CLEC16A: variants seen among roughly 807,000 people sequenced by gnomAD.
The protein encoded by CLEC16A is C-type lectin domain containing 16A, also known as protein CLEC16A.
In CLEC16A, 51 loss-of-function variants were observed where a neutral mutation model predicts 109.5. That is an observed-to-expected ratio of 0.47 (90% CI 0.37 to 0.59). The LOEUF is 0.59. Among genes scored for constraint, CLEC16A ranks in the 20% least tolerant of loss-of-function variants. The pLI is 0.00. For synonymous variants in CLEC16A, 673 were observed against 564.2 expected, an observed-to-expected ratio of 1.19 and a Z score of -2.73; for missense variants, 1,339 against 1,394.0, an observed-to-expected ratio of 0.96 and a Z score of 0.63.
intron 19 of CLEC16A, among the ~76,000 whole-genome samples, chr16:11,101,788 T>C (rs1210725614): frequency 3.3e-5 from 5 of 152,160 alleles, no homozygotes; most frequent in African/African-American, 1.2e-4. Flanking sequence ...TACAAGTTCA[T>C]TTTTTTCTTT....
chr16:10,950,211 A>T (rs904609885), intron 1 of CLEC16A, among the ~76,000 whole-genome samples: 2 of 152,130 alleles, frequency 1.3e-5, no homozygotes, highest in Non-Finnish European at 2.9e-5. Context: ...TTCCTTTGTT[A>T]CATATCTTTT....
In CLEC16A at chr16:11,121,044, T is replaced by C. The variant is rs530284026; in HGVS notation, c.2268+278T>C. 9.2e-5 allele frequency among the ~76,000 whole-genome samples: 14 copies of C among 152,356 alleles called. No homozygotes were observed. The South Asian group carries it at 1.9e-3, about 20-fold the overall frequency. ...TCAGTGTGACCTTTCCAGATCTGTT[T>C]TTCTGCCAAAGGCATATATAAATGT... On this transcript the variant is annotated intron_variant, in intron 20 of 23. Coordinates refer to ENST00000409790, the MANE Select transcript of CLEC16A (RefSeq NM_015226.3).
intron 18 of CLEC16A, chr16:11,056,803 A>G (rs2048234833): frequency 6.6e-6 from 1 of 152,256 alleles, no homozygotes; most frequent in South Asian, 2.1e-4. Flanking sequence ...ATACTTAGAC[A>G]TCTTTTGTGC....
rs1318280523 is a variant in CLEC16A at position 11,125,574 on chromosome 16, A to C, written c.2474-405A>C. Among the ~76,000 whole-genome samples the C allele has an allele frequency of 1.3e-5, 2 of 152,240 alleles. 1 individual carries two copies. The highest frequency in any genetic ancestry group is 1.3e-4 in the Admixed American group (2 of 15,288). ...CATGCTCCTGCACATGTGCGGATAT[A>C]CATACACACGTATACGTGTGAACTC... On this transcript the variant is annotated intron_variant, in intron 21 of 23. Coordinates refer to ENST00000409790, the MANE Select transcript of CLEC16A (RefSeq NM_015226.3).
At chr16:11,109,581 G>T (rs1004388004) in intron 19 of CLEC16A, among the ~76,000 whole-genome samples, 1 of 152,186 alleles carries the variant, frequency 6.6e-6, no homozygotes, top group African/African-American at 2.4e-5. Flanking sequence ...GGCCACTGCA[G>T]TTCCCCCTCA....
intron 10 of CLEC16A, among the ~76,000 whole-genome samples, chr16:11,001,887 C>T (rs1184601293): frequency 6.6e-6 from 1 of 152,188 alleles, no homozygotes; most frequent in African/African-American, 2.4e-5. Context: ...ACTAGGCTCC[C>T]TTTCTAATGA....
At chr16:10,951,126 G>C (rs558219660) in intron 1 of CLEC16A, among the ~76,000 whole-genome samples, 1 of 152,204 alleles carries the variant, frequency 6.6e-6, no homozygotes, top group African/African-American at 2.4e-5. Flanking sequence ...ATTTGTTTAC[G>C]TCTGTCATCC....
intron 14 of CLEC16A, chr16:11,041,136 C>G (rs2047312275): frequency 6.6e-6 from 1 of 152,206 alleles, no homozygotes; most frequent in Non-Finnish European, 1.5e-5. Context: ...TTTCTGAGCA[C>G]CTGCAGTCTA....
chr16:11,049,154 C>A, intron 17 of CLEC16A, among the ~76,000 whole-genome samples: 1 of 152,022 alleles, frequency 6.6e-6, no homozygotes. Flanking sequence ...ATTACAGGCG[C>A]CCACTACTAC....
intron 22 of CLEC16A, among the ~76,000 whole-genome samples, chr16:11,165,031 C>T (rs114550771): frequency 0.015 from 2,247 of 152,124 alleles, 56 homozygotes; most frequent in African/African-American, 0.051. Context: ...GAGGACTCGC[C>T]CCCCCATATC....
intron 22 of CLEC16A, chr16:11,156,472 C>T (rs1473954549): frequency 3.4e-6 from 2 of 581,730 alleles, no homozygotes; most frequent in East Asian, 6.9e-5. Flanking sequence ...CACCCTGCTC[C>T]TGGTGCATTC....
intron 7 of CLEC16A, among the ~76,000 whole-genome samples, chr16:10,973,342 T>C (rs1228345132): frequency 6.6e-6 from 1 of 152,212 alleles, no homozygotes; most frequent in Non-Finnish European, 1.5e-5. Context: ...CTCTGTCAGC[T>C]GATGAATGCA....
intron 13 of CLEC16A, among the ~76,000 whole-genome samples, chr16:11,026,428 C>G (rs981321501): frequency 9.2e-5 from 14 of 152,128 alleles, no homozygotes; most frequent in Non-Finnish European, 1.5e-5. Flanking sequence ...TCTGAACTGT[C>G]AAATTTATTG....
chr16:11,127,698 G>A (rs896576893), intron 22 of CLEC16A, among the ~76,000 whole-genome samples: 5 of 152,046 alleles, frequency 3.3e-5, no homozygotes, highest in Non-Finnish European at 4.4e-5. Context: ...GTGAGACATC[G>A]TGTCTAGTAT....
chr16:11,036,065 C>T (rs1467922953), intron 13 of CLEC16A: 1 of 152,672 alleles, frequency 6.5e-6, no homozygotes, highest in East Asian at 1.9e-4. Context: ...GTAAAATCTA[C>T]CTCACATGGA....
chr16:10,968,220 G>C (rs2042607022), intron 3 of CLEC16A, among the ~76,000 whole-genome samples: 1 of 152,230 alleles, frequency 6.6e-6, no homozygotes, highest in South Asian at 2.1e-4. Flanking sequence ...CCAACACTGA[G>C]ATATCAAACT....
intron 6 of CLEC16A, 82 bp downstream of exon 6, chr16:10,972,641 A>C (rs2042848845): frequency 2.3e-6 from 3 of 1,298,152 alleles, no homozygotes; most frequent in East Asian, 4.7e-5. Flanking sequence ...TGTAATTCTC[A>C]GTGTAGTCTA....
intron 10 of CLEC16A, among the ~76,000 whole-genome samples, chr16:10,994,034 G>T (rs1206725331): frequency 6.6e-6 from 1 of 152,206 alleles, no homozygotes; most frequent in Non-Finnish European, 1.5e-5. Flanking sequence ...AGCGTCAAGT[G>T]CTGAGCACGC....
In CLEC16A at chr16:11,129,337, C is replaced by T. The variant is rs528951387; in HGVS notation, c.2641+3191C>T. ...ACATAGTTTTCTATGAACAATAACT[C>T]TGTTTTCCAAAACATAGAAAAAAAT... On this transcript the variant is annotated intron_variant, in intron 22 of 23. Coordinates refer to ENST00000409790, the MANE Select transcript of CLEC16A (RefSeq NM_015226.3). 1.4e-4 allele frequency among the ~76,000 whole-genome samples: 22 copies of T among 152,208 alleles called. 1 individual carries two copies. The highest frequency in any genetic ancestry group is 1.2e-3 in the Admixed American group (18 of 15,284).
Sources: allele counts gnomAD v4.1 joint callset (sites outside exome capture counted in the v4.1 genomes callset), GRCh38; gene constraint gnomAD v4.1.1; transcripts MANE v1.5; gene names NCBI Gene and HGNC (gene_info 2026-07-23, HGNC 2026-07-21).